The following ERBB4 variants were observed in gnomAD, a reference collection of about 807,000 sequenced individuals.
ERBB4 encodes the protein erb-b2 receptor tyrosine kinase 4, also known as receptor tyrosine-protein kinase erbB-4.
Under a neutral mutation model 158.0 loss-of-function variants are expected in ERBB4, and 42 were observed. The observed-to-expected ratio is 0.27, with a 90% CI of 0.21 to 0.34. The LOEUF is 0.34. Among genes scored for constraint, ERBB4 ranks in the 10% least tolerant of loss-of-function variants. ERBB4 has a pLI of 1.00. For missense variants in ERBB4, 1,333 were observed against 1,624.1 expected (o/e 0.82, Z 3.08); for synonymous variants, 583 against 558.7 (o/e 1.04, Z -0.61).
chr2:212,476,342 A>T (rs538300322), intron 1 of ERBB4, among the ~76,000 whole-genome samples: 1 of 152,262 alleles, frequency 6.6e-6, no homozygotes, highest in South Asian at 2.1e-4. Context: ...TACCTAGCAG[A>T]TAGTAGGTGT....
intron 16 of ERBB4, among the ~76,000 whole-genome samples, chr2:211,656,665 A>C (rs529868033): frequency 5.4e-4 from 82 of 152,324 alleles, no homozygotes; most frequent in African/African-American, 1.8e-3. Context: ...GCTCTTGGCA[A>C]CATTTCTGTC....
intron 1 of ERBB4, among the ~76,000 whole-genome samples, chr2:212,165,309 T>G (rs1032067338): frequency 1.3e-5 from 2 of 148,238 alleles, no homozygotes; most frequent in African/African-American, 4.9e-5. Flanking sequence ...ATTTTTTGCA[T>G]TAATATATAT....
chr2:212,019,776 AGGAAAG>A (rs2076607917), intron 2 of ERBB4, among the ~76,000 whole-genome samples: 1 of 145,438 alleles, frequency 6.9e-6, no homozygotes, highest in Admixed American at 6.8e-5. Flanking sequence ...AAAAAAAAAA[AGGAAAG>A]AAAGAAAAGA....
chr2:212,233,820 C>A (rs1574486353), intron 1 of ERBB4, among the ~76,000 whole-genome samples: 1 of 152,074 alleles, frequency 6.6e-6, no homozygotes, highest in Admixed American at 6.6e-5. Flanking sequence ...TGTCTACTTA[C>A]ACTTTTGTGC....
intron 20 of ERBB4, among the ~76,000 whole-genome samples, chr2:211,431,886 A>C (rs1457841568): frequency 6.6e-6 from 1 of 152,200 alleles, no homozygotes; most frequent in African/African-American, 2.4e-5. Context: ...ATAACAATAT[A>C]TAACACATGT....
chr2:211,764,637 G>C (rs1290701889), intron 4 of ERBB4, among the ~76,000 whole-genome samples: 1 of 152,102 alleles, frequency 6.6e-6, no homozygotes, highest in Non-Finnish European at 1.5e-5. Flanking sequence ...ATAAGCCTGG[G>C]TCTGGAGCCT....
intron 5 of ERBB4, among the ~76,000 whole-genome samples, chr2:211,734,552 T>C (rs2074538127): frequency 6.8e-6 from 1 of 147,098 alleles, no homozygotes; most frequent in African/African-American, 2.5e-5. Context: ...GTAACCTAAA[T>C]GTCCACTAAT....
intron 1 of ERBB4, among the ~76,000 whole-genome samples, chr2:212,417,817 T>C (rs1352225608): frequency 6.6e-6 from 1 of 151,950 alleles, no homozygotes; most frequent in Non-Finnish European, 1.5e-5. Context: ...TTTAAATCAG[T>C]ATTCCTTTTC....
At chr2:212,483,721 T>C (rs1388056917) in intron 1 of ERBB4, among the ~76,000 whole-genome samples, 1 of 151,986 alleles carries the variant, frequency 6.6e-6, no homozygotes, top group Non-Finnish European at 1.5e-5. Context: ...TTCAAAAGCA[T>C]AGAATCTAAT....
chr2:211,951,134 CA>C (rs2125148675), intron 2 of ERBB4, among the ~76,000 whole-genome samples: 1 of 152,110 alleles, frequency 6.6e-6, no homozygotes, highest in East Asian at 1.9e-4. Context: ...TCCATCATTC[CA>C]AAACAAACTT....
chr2:211,769,437 C>T lies in ERBB4; in HGVS notation c.556+18588G>A, dbSNP rs182822125. The stretch of plus-strand genomic sequence containing the variant: ...CCAGGTATTTTTTAGCAACACCTCA[C>T]TCCTGCTATCAAAATCTGTTATTAG... On this transcript the variant is annotated intron_variant, in intron 4 of 27. Transcript: ENST00000342788. Among the ~76,000 whole-genome samples the T allele has an allele frequency of 6.2e-4, 95 of 152,296 alleles. No homozygotes were observed. In the East Asian group the frequency reaches 6.6e-3, roughly 11 times the overall value.
intron 2 of ERBB4, among the ~76,000 whole-genome samples, chr2:212,035,353 G>A (rs915184743): frequency 2.0e-5 from 3 of 152,058 alleles, no homozygotes; most frequent in African/African-American, 4.8e-5. Context: ...ACACTGTGTT[G>A]CTTTAGAGCG....
chr2:212,201,585 T>A (rs1033889806), intron 1 of ERBB4, among the ~76,000 whole-genome samples: 1 of 152,210 alleles, frequency 6.6e-6, no homozygotes. Context: ...ATTCAGAATA[T>A]AGCTATGTCA....
chr2:212,493,454 T>C (rs1340590872), intron 1 of ERBB4, among the ~76,000 whole-genome samples: 1 of 151,602 alleles, frequency 6.6e-6, no homozygotes, highest in Non-Finnish European at 1.5e-5. Context: ...ATGGTAAATA[T>C]TGCTAATATT....
intron 3 of ERBB4, among the ~76,000 whole-genome samples, chr2:211,816,540 C>CAAAAAA (rs34323414): frequency 1.1e-4 from 7 of 65,884 alleles, no homozygotes; most frequent in Non-Finnish European, 1.4e-4. Flanking sequence ...GAGCCCGTCT[C>CAAAAAA]AAAAAAAAAA....
At chr2:211,738,769 C>T (rs1040298785) in intron 5 of ERBB4, among the ~76,000 whole-genome samples, 10 of 151,622 alleles carry the variant, frequency 6.6e-5, no homozygotes, top group African/African-American at 9.7e-5. Flanking sequence ...TGGGTTCAAG[C>T]GATTCTCATG....
At chr2:211,968,920 G>T (rs189637478) in intron 2 of ERBB4, among the ~76,000 whole-genome samples, 26 of 151,912 alleles carry the variant, frequency 1.7e-4, no homozygotes, top group Non-Finnish European at 2.9e-4. Flanking sequence ...ACCCATTGAA[G>T]GACCTATTCA....
At chr2:212,464,399 G>A (rs920679462) in intron 1 of ERBB4, among the ~76,000 whole-genome samples, 4 of 151,956 alleles carry the variant, frequency 2.6e-5, no homozygotes, top group Non-Finnish European at 5.9e-5. Context: ...GCAGTCATTT[G>A]TTTTGTTTGT....
At chr2:211,913,475 C>T (rs1164618546) in intron 3 of ERBB4, among the ~76,000 whole-genome samples, 1 of 151,960 alleles carries the variant, frequency 6.6e-6, no homozygotes, top group Non-Finnish European at 1.5e-5. Flanking sequence ...ATGGTGCGTG[C>T]CTGTCATCCC....
Sources: allele counts gnomAD v4.1 joint callset (sites outside exome capture counted in the v4.1 genomes callset), GRCh38; gene constraint gnomAD v4.1.1; transcripts MANE v1.5; gene names NCBI Gene and HGNC (gene_info 2026-07-23, HGNC 2026-07-21).